MOXD1: variants seen among roughly 807,000 people sequenced by gnomAD.
The protein encoded by MOXD1 is monooxygenase DBH like 1.
In MOXD1, 62 loss-of-function variants were observed where a neutral mutation model predicts 66.6. The observed-to-expected ratio is 0.93, with a 90% confidence interval of 0.76 to 1.15. The LOEUF (loss-of-function observed/expected upper bound fraction) is 1.15, where lower values mean the gene tolerates loss of function less well. Among genes scored for constraint, MOXD1 ranks in the 50% most tolerant of loss-of-function variants. The pLI is 0.00. For missense variants in MOXD1, 847 were observed against 754.6 expected, an observed-to-expected ratio of 1.12 and a Z score of -1.44; for synonymous variants, 303 against 281.9, an observed-to-expected ratio of 1.07 and a Z score of -0.75.
Position 132,394,087 on chromosome 6 carries a change from C to A in MOXD1, c.264+7076G>T, listed in dbSNP as rs573309390. Reference sequence around the variant, plus strand: ...GAGGCTAATGCTCAACCCACTGCTGCCACCACTGAGGCCCAAAGACTGGCC... The same window carrying A: ...GAGGCTAATGCTCAACCCACTGCTGACACCACTGAGGCCCAAAGACTGGCC... On this transcript the variant is annotated intron_variant, in intron 1 of 11. Transcript: ENST00000367963. Among the ~76,000 whole-genome samples, 18 of 152,316 alleles carry A rather than the reference C, an allele frequency of 1.2e-4. No individual in the cohort carries two copies. The South Asian group carries it at 3.5e-3, about 30-fold the overall frequency.
At chr6:132,401,120 G>T in intron 1 of MOXD1, 43 bp downstream of exon 1, 1 of 1,458,128 alleles carries the variant, frequency 6.9e-7, no homozygotes, top group South Asian at 1.4e-5. Flanking sequence ...GTCCGGACGG[G>T]ACCGGGCTCG....
At chr6:132,388,379 C>T (rs1271091265) in intron 1 of MOXD1, among the ~76,000 whole-genome samples, 1 of 151,526 alleles carries the variant, frequency 6.6e-6, no homozygotes, top group African/African-American at 2.4e-5. Flanking sequence ...GGGATTCACA[C>T]CCCGTCTAGA....
At chr6:132,340,670 G>A (rs1301574853) in intron 4 of MOXD1, among the ~76,000 whole-genome samples, 2 of 101,578 alleles carry the variant, frequency 2.0e-5, no homozygotes, top group Admixed American at 1.4e-4. Context: ...TTTTTGAGCC[G>A]GAGTCTCGCT....
chr6:132,390,203 A>G (rs376391988), intron 1 of MOXD1, among the ~76,000 whole-genome samples: 1 of 151,580 alleles, frequency 6.6e-6, no homozygotes. Flanking sequence ...TGAAAAAAAC[A>G]TTAATTATAT....
chr6:132,334,385 G>T (rs1775392887), intron 4 of MOXD1, among the ~76,000 whole-genome samples: 1 of 151,954 alleles, frequency 6.6e-6, no homozygotes, highest in South Asian at 2.1e-4. Context: ...CACTTTTCCA[G>T]TTGCTCAGCC....
intron 1 of MOXD1, among the ~76,000 whole-genome samples, chr6:132,386,423 CAAAACA>C (rs1776641495): frequency 1.3e-5 from 1 of 79,200 alleles, no homozygotes; most frequent in Non-Finnish European, 2.7e-5. Context: ...CAAAACAAAA[CAAAACA>C]AAACAAAAAA....
At chr6:132,356,103 G>T (rs138159998) in intron 4 of MOXD1, among the ~76,000 whole-genome samples, 1 of 152,284 alleles carries the variant, frequency 6.6e-6, no homozygotes, top group African/African-American at 2.4e-5. Flanking sequence ...GGGAGGGGAC[G>T]CAAAGGACGC....
At chr6:132,399,092 A>G (rs1346302271) in intron 1 of MOXD1, among the ~76,000 whole-genome samples, 1 of 152,214 alleles carries the variant, frequency 6.6e-6, no homozygotes, top group Non-Finnish European at 1.5e-5. Context: ...CAGCCTGAAT[A>G]ATAAAACTGA....
chr6:132,379,020 C>CT (rs1776456053), intron 1 of MOXD1, among the ~76,000 whole-genome samples: 1 of 148,172 alleles, frequency 6.7e-6, no homozygotes, highest in Non-Finnish European at 1.5e-5. Context: ...TTCCTAATTC[C>CT]TTTTTTTATA....
chr6:132,321,263 C>CA (rs572511482), intron 8 of MOXD1, among the ~76,000 whole-genome samples: 76,064 of 145,488 alleles, frequency 0.52, 22,878 homozygotes, highest in African/African-American at 0.84. Flanking sequence ...GACTCCATCT[C>CA]AAAAAAAAAA....
chr6:132,303,831 GTGTGTATATATATATATATATA>G (rs1774617918), intron 10 of MOXD1, among the ~76,000 whole-genome samples: 4 of 66,732 alleles, frequency 6.0e-5, no homozygotes, highest in African/African-American at 1.1e-4. Flanking sequence ...GTGTGTGTGT[GTGTGTATATATATATATATATA>G]TATATATATA....
chr6:132,387,113 A>G (rs930694229), intron 1 of MOXD1, among the ~76,000 whole-genome samples: 4 of 151,330 alleles, frequency 2.6e-5, no homozygotes, highest in African/African-American at 9.7e-5. Context: ...ATTAAAAGCT[A>G]TTTCCAGAAG....
At position 132,399,059 on chromosome 6, in the gene MOXD1, G is replaced by A. The variant is rs536925407; in HGVS notation, c.264+2104C>T. Among the ~76,000 whole-genome samples the A allele has an allele frequency of 1.4e-3, 214 of 151,930 alleles. 1 individual carries two copies. The highest frequency in any genetic ancestry group is 2.7e-3 in the Non-Finnish European group (182 of 67,978). On this transcript the variant is annotated intron_variant, in intron 1 of 11. Coordinates refer to ENST00000367963, the MANE Select transcript of MOXD1 (RefSeq NM_015529.4). ...GTTTCTAGAGAGGAGACTGAATTTC[G>A]AGCGTTGGAGAATGGAATCATTCAG... is the stretch of plus-strand genomic sequence containing the variant.
chr6:132,385,461 A>AATAATTATT (rs1554237946), intron 1 of MOXD1, among the ~76,000 whole-genome samples: 3 of 133,598 alleles, frequency 2.2e-5, no homozygotes, highest in Admixed American at 7.9e-5. Flanking sequence ...AATATACTGA[A>AATAATTATT]ATTATTATTA....
At chr6:132,332,117 A>G (rs1307002606) in intron 4 of MOXD1, among the ~76,000 whole-genome samples, 1 of 152,198 alleles carries the variant, frequency 6.6e-6, no homozygotes, top group African/African-American at 2.4e-5. Flanking sequence ...ATGGCCTTTC[A>G]AGGTGTTCCT....
rs1341761847 is a variant in MOXD1, at chr6:132,401,404, A to C, written c.23T>G (p.Leu8Arg). 6.6e-7 allele frequency: 1 copy of C among 1,521,430 alleles called. No homozygotes were observed. The highest frequency in any genetic ancestry group is 2.6e-5 in the East Asian group (1 of 38,702). The allele number at this position is 1,521,430 out of a possible 1,614,324, so 94.2% of individuals were successfully genotyped here. A position where few individuals can be genotyped will look rare whatever the true frequency, so the allele number is the denominator to read the frequency against. Residue 8 changes from leucine (L) to arginine (R), a missense_variant, in exon 1 of 12, where the codon CTG becomes CGG. Transcript: ENST00000367963. ...CGTCCCGGGGAGCAGCCCCCACAGC[A>C]GGAGCAGCGGCCAGCAGCACATCCT... MCCWPLL[L>R]LWGLLPGTAA... is the part of the protein sequence containing the mutation.
At chr6:132,312,990 TC>T (rs1774864201) in intron 10 of MOXD1, among the ~76,000 whole-genome samples, 1 of 152,128 alleles carries the variant, frequency 6.6e-6, no homozygotes, top group African/African-American at 2.4e-5. Context: ...CAATATAACA[TC>T]AATATTTGAA....
At chr6:132,325,045 T>G (rs1222836436) in intron 6 of MOXD1, 2 of 151,952 alleles carry the variant, frequency 1.3e-5, no homozygotes, top group African/African-American at 4.8e-5. Flanking sequence ...TTGTTAAAAT[T>G]AAGTATTTCA....
At chr6:132,344,431 T>C (rs755222904) in intron 4 of MOXD1, among the ~76,000 whole-genome samples, 3 of 152,180 alleles carry the variant, frequency 2.0e-5, no homozygotes, top group Non-Finnish European at 4.4e-5. Context: ...ATCTTGACTC[T>C]GATAGCGGCA....
Sources: gnomAD v4.1 joint callset for allele counts (sites outside exome capture counted in the v4.1 genomes callset) on GRCh38, gnomAD v4.1.1 for gene constraint, MANE v1.5 for transcripts, NCBI Gene and HGNC (gene_info 2026-07-23, HGNC 2026-07-21) for gene names.